Variants in DLG2 observed in about 807,000 individuals in gnomAD.
The protein encoded by DLG2 is discs large MAGUK scaffold protein 2.
A neutral mutation model predicts 132.5 loss-of-function variants in DLG2; 45 were observed. The observed-to-expected ratio is 0.34, with a 90% CI of 0.27 to 0.44. The LOEUF (loss-of-function observed/expected upper bound fraction) is 0.44, where lower values mean the gene tolerates loss of function less well. Among genes scored for constraint, DLG2 ranks in the 20% least tolerant of loss-of-function variants. The pLI is 1.00. For missense variants in DLG2, 1,045 were observed against 1,196.9 expected, an observed-to-expected ratio of 0.87 and a Z score of 1.87; for synonymous variants, 424 against 419.6, an observed-to-expected ratio of 1.01 and a Z score of -0.13.
intron 7 of DLG2, among the ~76,000 whole-genome samples, chr11:84,449,050 TAA>T (rs61094648): frequency 0.04 from 6,062 of 151,862 alleles, 160 homozygotes; most frequent in African/African-American, 0.067. Context: ...CTTCATACCA[TAA>T]GAGACAAGTC....
intron 15 of DLG2, among the ~76,000 whole-genome samples, chr11:83,912,830 A>G (rs1037943843): frequency 6.6e-6 from 1 of 152,216 alleles, no homozygotes; most frequent in Admixed American, 6.6e-5. Context: ...ATTTGGGAAA[A>G]CACTGAGAGA....
chr11:84,801,205 G>A (rs1485239474), intron 6 of DLG2, among the ~76,000 whole-genome samples: 1 of 152,140 alleles, frequency 6.6e-6, no homozygotes, highest in African/African-American at 2.4e-5. Flanking sequence ...ACATACAGCA[G>A]CAATTTCAAC....
intron 3 of DLG2, among the ~76,000 whole-genome samples, chr11:85,386,548 G>A (rs1436891976): frequency 6.6e-6 from 1 of 151,982 alleles, no homozygotes; most frequent in Non-Finnish European, 1.5e-5. Context: ...GATAATATAT[G>A]TAAAGTACAG....
At chr11:85,276,299 T>A (rs193049705) in intron 4 of DLG2, among the ~76,000 whole-genome samples, 1 of 152,234 alleles carries the variant, frequency 6.6e-6, no homozygotes, top group Non-Finnish European at 1.5e-5. Flanking sequence ...GCCTGTTGAA[T>A]AAGAAATGGG....
rs370583925 is a variant in DLG2, at chr11:84,804,303, T to C, written c.358-269572A>G. Among the ~76,000 whole-genome samples, 5 of 152,210 alleles carry C rather than the reference T, an allele frequency of 3.3e-5. No homozygotes were observed. In the East Asian group the frequency reaches 5.8e-4, roughly 18 times the overall value. ...ATCTCTCAAATATTAGAGGCAATAA[T>C]GTCTCAGATTCCAGAACAAAATGCC... is the stretch of plus-strand genomic sequence containing the variant. On this transcript the variant is annotated intron_variant, in intron 6 of 27. Coordinates refer to ENST00000376104, the MANE Select transcript of DLG2 (RefSeq NM_001142699.3).
Position 84,734,238 on chromosome 11 carries a change from G to A in DLG2, c.358-199507C>T, listed in dbSNP as rs190252377. Among the ~76,000 whole-genome samples, 31 of 152,186 alleles carry A rather than the reference G, an allele frequency of 2.0e-4. No homozygotes were observed. In the East Asian group the frequency reaches 3.9e-3, roughly 19 times the overall value. ...ATAAATTACCTTGGGCAGTATGGCC[G>A]TTTTCATGATATTGATTCTTCCTAT... On this transcript the variant is annotated intron_variant, in intron 6 of 27. Coordinates refer to ENST00000376104, the MANE Select transcript of DLG2 (RefSeq NM_001142699.3).
chr11:83,511,750 G>A (rs2095042126), intron 21 of DLG2, among the ~76,000 whole-genome samples: 3 of 146,064 alleles, frequency 2.1e-5, no homozygotes, highest in Admixed American at 6.9e-5. Flanking sequence ...TTTTTAAAGA[G>A]CCAGGGTCTC....
chr11:85,397,239 G>T (rs1454874534), intron 3 of DLG2, among the ~76,000 whole-genome samples: 1 of 152,184 alleles, frequency 6.6e-6, no homozygotes, highest in African/African-American at 2.4e-5. Flanking sequence ...GAGAGATTTT[G>T]TCACCACCAG....
At chr11:84,816,276 T>G (rs2077077347) in intron 6 of DLG2, among the ~76,000 whole-genome samples, 1 of 152,014 alleles carries the variant, frequency 6.6e-6, no homozygotes, top group East Asian at 1.9e-4. Flanking sequence ...AAGAAACAAC[T>G]GGTACCATTT....
At chr11:84,199,706 G>A (rs1246012959) in intron 8 of DLG2, among the ~76,000 whole-genome samples, 1 of 152,010 alleles carries the variant, frequency 6.6e-6, no homozygotes, top group Non-Finnish European at 1.5e-5. Context: ...CACCAAAGAA[G>A]GGTTTACTCA....
In DLG2 at chr11:85,423,064, G is replaced by C. The variant is rs111513180; in HGVS notation, c.41-137699C>G. 4.4e-3 allele frequency among the ~76,000 whole-genome samples: 667 copies of C among 152,114 alleles called. 6 individuals carry two copies. The highest frequency in any genetic ancestry group is 0.015 in the African/African-American group (627 of 41,484). On this transcript the variant is annotated intron_variant, in intron 3 of 27. Transcript: ENST00000376104. ...TGGTTTTTTGGTTCCTTCTCATTTG[G>C]TTAGGCTGTGTCAGAGGGAAGGTCT... is the stretch of plus-strand genomic sequence containing the variant.
intron 3 of DLG2, among the ~76,000 whole-genome samples, chr11:85,438,538 A>G (rs901634652): frequency 1.3e-5 from 2 of 152,170 alleles, no homozygotes; most frequent in Admixed American, 1.3e-4. Flanking sequence ...TAATATACAG[A>G]GATATCTTAT....
At chr11:83,812,299 T>C (rs771450070) in intron 17 of DLG2, among the ~76,000 whole-genome samples, 1 of 152,156 alleles carries the variant, frequency 6.6e-6, no homozygotes, top group Non-Finnish European at 1.5e-5. Flanking sequence ...AAGTGTTTTA[T>C]AGATGGTTTG....
At chr11:84,495,883 G>C (rs957392378) in intron 7 of DLG2, among the ~76,000 whole-genome samples, 4 of 152,166 alleles carry the variant, frequency 2.6e-5, no homozygotes, top group African/African-American at 9.7e-5. Flanking sequence ...CACAATGTCA[G>C]AGGAACATGT....
chr11:84,280,919 T>C (rs11820475), intron 7 of DLG2, among the ~76,000 whole-genome samples: 16 of 147,602 alleles, frequency 1.1e-4, no homozygotes, highest in African/African-American at 4.0e-4. Context: ...GACGGGGTTT[T>C]ACTGTGTTAG....
intron 6 of DLG2, chr11:84,923,281 G>A: frequency 1.4e-6 from 2 of 1,469,984 alleles, no homozygotes; most frequent in Admixed American, 2.2e-5. Flanking sequence ...GACATGTCTT[G>A]AAGGCACTGA....
In DLG2 at chr11:84,195,583, A is replaced by T. The variant is rs550762158; in HGVS notation, c.574-32072T>A. Among the ~76,000 whole-genome samples the T allele has an allele frequency of 2.6e-5, 4 of 152,324 alleles. No individual in the cohort carries two copies. The South Asian group carries it at 8.3e-4, about 32-fold the overall frequency. On this transcript the variant is annotated intron_variant, in intron 8 of 27. Coordinates refer to ENST00000376104, the MANE Select transcript of DLG2 (RefSeq NM_001142699.3). ...CATAGTTACACAATGCTAGGCTCAA[A>T]CTCTAACCTTGCCACTTATATTAGT... is the stretch of plus-strand genomic sequence containing the variant.
chr11:84,313,681 G>GAAAGAAAGAAAGAAAGAAAT (rs1567261392), intron 7 of DLG2, among the ~76,000 whole-genome samples: 1 of 148,988 alleles, frequency 6.7e-6, no homozygotes, highest in Non-Finnish European at 1.5e-5. Flanking sequence ...AAGAAAGAAA[G>GAAAGAAAGAAAGAAAGAAAT]AAAGAAAAAG....
chr11:84,113,294 G>A (rs916950380), intron 9 of DLG2, among the ~76,000 whole-genome samples: 1 of 152,116 alleles, frequency 6.6e-6, no homozygotes, highest in Admixed American at 6.6e-5. Flanking sequence ...CCATTGTATA[G>A]TGCACATGGT....
Sources: gnomAD v4.1 joint callset for allele counts (sites outside exome capture counted in the v4.1 genomes callset) on GRCh38, gnomAD v4.1.1 for gene constraint, MANE v1.5 for transcripts, NCBI Gene and HGNC (gene_info 2026-07-23, HGNC 2026-07-21) for gene names.